Variants in SPIDR observed in about 807,000 individuals in gnomAD.
The protein encoded by SPIDR is DNA repair-scaffolding protein.
A neutral mutation model predicts 104.6 loss-of-function variants in SPIDR; 93 were observed. That is an observed-to-expected ratio of 0.89 (90% CI 0.75 to 1.06). The LOEUF is 1.06. Ranked by LOEUF, SPIDR falls within the 50% of genes least tolerant of loss-of-function variation. The probability of loss-of-function intolerance (pLI) is 0.00; values close to 1 mark genes in which losing one functional copy is unlikely to be tolerated. For missense variants in SPIDR, 1,154 were observed against 1,111.2 expected, an observed-to-expected ratio of 1.04 and a Z score of -0.55; for synonymous variants, 431 against 416.9, an observed-to-expected ratio of 1.03 and a Z score of -0.41.
chr8:47,463,362 A>G (rs1554714890), intron 8 of SPIDR, among the ~76,000 whole-genome samples: 1 of 148,448 alleles, frequency 6.7e-6, no homozygotes, highest in Non-Finnish European at 1.5e-5. Flanking sequence ...CTCCGTCTCA[A>G]AAAAAAAAAA....
chr8:47,679,092 A>G (rs907303861), intron 11 of SPIDR, among the ~76,000 whole-genome samples: 10 of 152,132 alleles, frequency 6.6e-5, no homozygotes, highest in East Asian at 1.9e-4. Context: ...TCCTGCTGCA[A>G]CCACCACCAG....
intron 10 of SPIDR, among the ~76,000 whole-genome samples, chr8:47,627,849 A>T (rs997799504): frequency 6.6e-5 from 10 of 152,084 alleles, no homozygotes; most frequent in Admixed American, 1.3e-4. Context: ...TGGAATGGAG[A>T]AGTTAGCATT....
intron 11 of SPIDR, among the ~76,000 whole-genome samples, 186 bp downstream of exon 11, chr8:47,674,127 C>T (rs1344466697): frequency 6.6e-6 from 1 of 151,972 alleles, no homozygotes; most frequent in Admixed American, 6.6e-5. Flanking sequence ...TTTCAATTGA[C>T]AACGAAAAGA....
chr8:47,701,281 A>T (rs1294395669), intron 12 of SPIDR, among the ~76,000 whole-genome samples: 1 of 152,194 alleles, frequency 6.6e-6, no homozygotes, highest in African/African-American at 2.4e-5. Context: ...AAAAATACAA[A>T]GTTAGCTGGG....
At chr8:47,566,709 A>G (rs1419718235) in intron 8 of SPIDR, among the ~76,000 whole-genome samples, 1 of 152,144 alleles carries the variant, frequency 6.6e-6, no homozygotes, top group African/African-American at 2.4e-5. Flanking sequence ...TCACTCAGTC[A>G]GTAGTTACTG....
chr8:47,616,010 T>A (rs558550288), intron 10 of SPIDR, among the ~76,000 whole-genome samples: 2 of 152,322 alleles, frequency 1.3e-5, no homozygotes, highest in Admixed American at 1.3e-4. Flanking sequence ...AAACAACTTA[T>A]TTTTGTTTGT....
chr8:47,524,103 G>A (rs1485736205), intron 8 of SPIDR, among the ~76,000 whole-genome samples: 2 of 152,068 alleles, frequency 1.3e-5, no homozygotes, highest in African/African-American at 2.4e-5. Flanking sequence ...AGGGTGCCAG[G>A]TAAATGTAAA....
intron 8 of SPIDR, among the ~76,000 whole-genome samples, chr8:47,467,428 A>C (rs1201802122): frequency 6.6e-6 from 1 of 152,226 alleles, no homozygotes; most frequent in Non-Finnish European, 1.5e-5. Context: ...ACTTTAGGCC[A>C]ATATTTTTGA....
chr8:47,711,249 T>C (rs2081845738), intron 14 of SPIDR, among the ~76,000 whole-genome samples: 2 of 152,218 alleles, frequency 1.3e-5, no homozygotes, highest in East Asian at 3.8e-4. Flanking sequence ...GTCAAACTCA[T>C]CTTTTGCTTT....
At chr8:47,690,502 T>C (rs965830126) in intron 11 of SPIDR, among the ~76,000 whole-genome samples, 3 of 151,236 alleles carry the variant, frequency 2.0e-5, no homozygotes, top group African/African-American at 7.3e-5. Context: ...TAATGCCCTG[T>C]CTTTAACAAA....
chr8:47,712,838 C>T lies in SPIDR; in HGVS notation c.2154C>T (p.His718=), dbSNP rs1177312093. 3.7e-6 allele frequency: 6 copies of T among 1,613,994 alleles called. No homozygotes were observed. In the East Asian group the frequency reaches 6.7e-5, roughly 18 times the overall value. ...AGGCACTCGCTGGGGCTGCCCCTCA[C>T]AGCCTCTTCTTCAAGGACGCTCTCC... ...VLEALAGAAP[H]SLFFKDALRD... is the part of the protein sequence containing the mutation. The change falls in exon 15 of 20, where the codon CAC becomes CAT. Residue 718 remains histidine, a synonymous_variant. Transcript: ENST00000297423.
intron 10 of SPIDR, among the ~76,000 whole-genome samples, chr8:47,641,593 T>C (rs2069013259): frequency 6.6e-6 from 1 of 152,184 alleles, no homozygotes; most frequent in African/African-American, 2.4e-5. Flanking sequence ...GCTTTAACAG[T>C]TCTTGAAATT....
intron 8 of SPIDR, among the ~76,000 whole-genome samples, chr8:47,550,566 TTGTC>T (rs2090284301): frequency 6.6e-6 from 1 of 152,152 alleles, no homozygotes; most frequent in Non-Finnish European, 1.5e-5. Flanking sequence ...GGCTCTCCCT[TTGTC>T]TGTTATTGGT....
At chr8:47,468,858 A>G (rs2075280275) in intron 8 of SPIDR, among the ~76,000 whole-genome samples, 1 of 152,216 alleles carries the variant, frequency 6.6e-6, no homozygotes, top group South Asian at 2.1e-4. Flanking sequence ...TAAATCAAAG[A>G]GCCTCTGCAC....
chr8:47,530,426 A>G (rs1377439183), intron 8 of SPIDR, among the ~76,000 whole-genome samples: 1 of 152,202 alleles, frequency 6.6e-6, no homozygotes, highest in Non-Finnish European at 1.5e-5. Flanking sequence ...CCTGGGTGAC[A>G]CTGCGAGACT....
At chr8:47,359,892 AT>A (rs2055392453) in intron 5 of SPIDR, among the ~76,000 whole-genome samples, 2 of 152,320 alleles carry the variant, frequency 1.3e-5, no homozygotes, top group South Asian at 4.2e-4. Flanking sequence ...ATATGTATGC[AT>A]GTATGTCAAA....
chr8:47,436,779 T>C (rs1284486118), intron 7 of SPIDR, among the ~76,000 whole-genome samples: 1 of 152,200 alleles, frequency 6.6e-6, no homozygotes, highest in Admixed American at 6.5e-5. Context: ...AGTCGTCCCT[T>C]GCTTTTTTCT....
chr8:47,632,967 G>T (rs1164839789), intron 10 of SPIDR, among the ~76,000 whole-genome samples: 1 of 152,176 alleles, frequency 6.6e-6, no homozygotes, highest in African/African-American at 2.4e-5. Context: ...GCACCTTCAA[G>T]CCAACAAGGG....
At chr8:47,415,557 G>C (rs1210870458) in intron 7 of SPIDR, among the ~76,000 whole-genome samples, 2 of 152,250 alleles carry the variant, frequency 1.3e-5, no homozygotes, top group African/African-American at 4.8e-5. Flanking sequence ...AAAGTGATTA[G>C]GTCATGAGGT....
Sources: allele counts gnomAD v4.1 joint callset (sites outside exome capture counted in the v4.1 genomes callset), GRCh38; gene constraint gnomAD v4.1.1; transcripts MANE v1.5; gene names NCBI Gene and HGNC (gene_info 2026-07-23, HGNC 2026-07-21).